LECT2: variants seen among roughly 807,000 people sequenced by gnomAD.
LECT2 encodes leukocyte cell derived chemotaxin 2.
Under a neutral mutation model 16.6 loss-of-function variants are expected in LECT2, and 11 were observed. That is an observed-to-expected ratio of 0.66 (90% CI 0.42 to 1.09). LECT2 has a LOEUF of 1.09. Among genes scored for constraint, LECT2 ranks in the 50% least tolerant of loss-of-function variants. LECT2 has a pLI of 0.00. For synonymous variants in LECT2, 54 were observed against 64.8 expected, an observed-to-expected ratio of 0.83 and a Z score of 0.80; for missense variants, 173 against 184.2, an observed-to-expected ratio of 0.94 and a Z score of 0.35.
At chr5:135,950,989 A>G (rs897102541) in intron 3 of LECT2, 5 of 551,500 alleles carry the variant, frequency 9.1e-6, no homozygotes, top group Non-Finnish European at 1.6e-5. Flanking sequence ...TGTACACCAA[A>G]TGTCTGTGAC....
chr5:135,950,056 A>G (rs926646694), intron 3 of LECT2, among the ~76,000 whole-genome samples: 1 of 152,176 alleles, frequency 6.6e-6, no homozygotes, highest in African/African-American at 2.4e-5. Context: ...CTCCTCAAGG[A>G]TGTGGGTTCG....
At position 135,954,938 on chromosome 5, in the gene LECT2, G is replaced by A. The variant is rs377517496; in HGVS notation, c.-105C>T. On this transcript the variant is annotated 5_prime_UTR_variant, in exon 1 of 4. Coordinates refer to ENST00000274507, the MANE Select transcript of LECT2 (RefSeq NM_002302.3). ...AATACTTCCTAGCTATTTAGCCTTA[G>A]AATTCTGCATCTCTCATTTCTTTAG... 1.2e-6 allele frequency: 1 copy of A among 833,926 alleles called. No homozygotes were observed. Among genetic ancestry groups the A allele is most frequent in the Admixed American group, 2.1e-5 (1 of 47,706 alleles). 51.7% of individuals were successfully genotyped at this position (833,926 alleles called of 1,614,324 possible). A position where few individuals can be genotyped will look rare whatever the true frequency, so the allele number is the denominator to read the frequency against.
chr5:135,953,916 C>T (rs541170923), intron 1 of LECT2, among the ~76,000 whole-genome samples: 2 of 151,554 alleles, frequency 1.3e-5, no homozygotes, highest in South Asian at 2.1e-4. Flanking sequence ...AATTATGAAA[C>T]GTGGAGGAGG....
At chr5:135,950,830 A>G (rs1763782275) in intron 3 of LECT2, 1 of 248,830 alleles carries the variant, frequency 4.0e-6, no homozygotes, top group East Asian at 7.7e-5. Flanking sequence ...AATGCCTCCA[A>G]TCAGCTGTGG....
chr5:135,947,531 C>A, intron 3 of LECT2, 34 bp from the exon 4 acceptor site: 1 of 1,479,710 alleles, frequency 6.8e-7, no homozygotes, highest in Non-Finnish European at 9.0e-7. Flanking sequence ...TTTATCTGGG[C>A]TTCAGTAATC....
intron 1 of LECT2, among the ~76,000 whole-genome samples, chr5:135,954,288 G>C (rs1047649799): frequency 6.6e-6 from 1 of 152,186 alleles, no homozygotes; most frequent in Non-Finnish European, 1.5e-5. Flanking sequence ...CCTTGATCAA[G>C]ATATAATCCC....
intron 1 of LECT2, among the ~76,000 whole-genome samples, chr5:135,953,359 A>T (rs1005142128): frequency 4.6e-5 from 7 of 151,768 alleles, no homozygotes; most frequent in African/African-American, 1.7e-4. Context: ...GCACCACCAC[A>T]CCCAGCTAAT....
At chr5:135,953,567 A>G (rs1361326331) in intron 1 of LECT2, among the ~76,000 whole-genome samples, 3 of 152,218 alleles carry the variant, frequency 2.0e-5, no homozygotes, top group African/African-American at 4.8e-5. Context: ...AGTAAATGGT[A>G]TAAGTTGTGC....
chr5:135,947,247 A>G lies in LECT2; in HGVS notation c.*84T>C. 2 of 1,327,042 alleles carry G rather than the reference A, an allele frequency of 1.5e-6. No homozygotes were observed. The highest frequency in any genetic ancestry group is 2.7e-5 in the South Asian group (2 of 75,372). 82.2% of individuals were successfully genotyped at this position (1,327,042 alleles called of 1,614,324 possible). ...CCCTTCATGCATTTTTCCTTTGTGA[A>G]CACAAATTTCTTGAAGAGAAGGGTA... On this transcript the variant is annotated 3_prime_UTR_variant, in exon 4 of 4. Coordinates refer to ENST00000274507, the MANE Select transcript of LECT2 (RefSeq NM_002302.3).
chr5:135,949,173 C>T (rs1236442824), intron 3 of LECT2, among the ~76,000 whole-genome samples: 1 of 152,096 alleles, frequency 6.6e-6, no homozygotes, highest in African/African-American at 2.4e-5. Flanking sequence ...ATAATATGTT[C>T]ATTGATTGGA....
chr5:135,951,085 G>T, intron 3 of LECT2, 138 bp downstream of exon 3: 1 of 859,244 alleles, frequency 1.2e-6, no homozygotes, highest in Non-Finnish European at 1.8e-6. Context: ...GCTAGTTTGG[G>T]TACACTCTAT....
At chr5:135,951,105 G>C (rs768977820) in intron 3 of LECT2, 118 bp downstream of exon 3, 3 of 1,056,374 alleles carry the variant, frequency 2.8e-6, no homozygotes. Flanking sequence ...TATTCTTTCT[G>C]TTCCAGGTTT....
intron 1 of LECT2, among the ~76,000 whole-genome samples, chr5:135,954,518 T>A (rs1039157707): frequency 2.0e-5 from 3 of 152,336 alleles, no homozygotes; most frequent in South Asian, 4.1e-4. Flanking sequence ...TTTGTTCTAG[T>A]TAAGTCCCAG....
At position 135,954,822 on chromosome 5, in the gene LECT2, G is replaced by A. The variant is rs759084665; in HGVS notation, c.12C>T (p.Thr4=). Residue 4 remains threonine, a synonymous_variant, in exon 1 of 4, where the codon ACC becomes ACT. Coordinates refer to ENST00000274507, the MANE Select transcript of LECT2 (RefSeq NM_002302.3). MFS[T]KALLLAGLIS... ...TCAGACCAGCCAAAAGGAGGGCTTT[G>A]GTGGAAAACATCTGGTTTTACTTCC... 2.5e-6 allele frequency: 4 copies of A among 1,612,856 alleles called. No homozygotes were observed. In the East Asian group the frequency reaches 8.9e-5, roughly 36 times the overall value.
Position 135,947,106 on chromosome 5 carries a change from T to G in LECT2, c.*225A>C. On this transcript the variant is annotated 3_prime_UTR_variant, in exon 4 of 4. Coordinates refer to ENST00000274507, the MANE Select transcript of LECT2 (RefSeq NM_002302.3). ...TTCTATTTAAACTCAAATTTCCTTT[T>G]TTTAATTAAAAAATTTTTGTGGGTA... 2.8e-6 allele frequency: 1 copy of G among 354,334 alleles called. No individual in the cohort carries two copies. The allele number at this position is 354,334 out of a possible 1,614,324, so 21.9% of individuals were successfully genotyped here. A position where few individuals can be genotyped will look rare whatever the true frequency, so the allele number is the denominator to read the frequency against.
At chr5:135,953,795 C>T (rs189970808) in intron 1 of LECT2, among the ~76,000 whole-genome samples, 261 of 152,214 alleles carry the variant, frequency 1.7e-3, no homozygotes, top group Non-Finnish European at 3.2e-3. Context: ...CTCATAGTTG[C>T]CAACATGGAA....
chr5:135,953,133 A>G (rs1005794236), intron 1 of LECT2, 166 bp from the exon 2 acceptor site: 8 of 566,490 alleles, frequency 1.4e-5, no homozygotes, highest in African/African-American at 1.3e-4. Context: ...TTATTTCCTG[A>G]TTCAGATGTA....
At chr5:135,951,846 C>G (rs1380212177) in intron 2 of LECT2, among the ~76,000 whole-genome samples, 1 of 152,176 alleles carries the variant, frequency 6.6e-6, no homozygotes, top group Non-Finnish European at 1.5e-5. Flanking sequence ...TATTTTAATA[C>G]AATGAGTGAT....
At chr5:135,953,072 T>C in intron 1 of LECT2, 105 bp from the exon 2 acceptor site, 1 of 715,980 alleles carries the variant, frequency 1.4e-6, no homozygotes, top group East Asian at 2.6e-5. Flanking sequence ...GTTTTCACTG[T>C]AGTTTTCCCT....
Sources: allele counts gnomAD v4.1 joint callset (sites outside exome capture counted in the v4.1 genomes callset), GRCh38; gene constraint gnomAD v4.1.1; transcripts MANE v1.5; gene names NCBI Gene and HGNC (gene_info 2026-07-23, HGNC 2026-07-21).